TPGS2: variants seen among roughly 807,000 people sequenced by gnomAD.
The protein encoded by TPGS2 is polyglutamylase subunit 2.
A neutral mutation model predicts 31.1 loss-of-function variants in TPGS2; 26 were observed. The ratio of observed to expected loss-of-function variants is 0.84; its 90% CI spans 0.61 to 1.16. The LOEUF (loss-of-function observed/expected upper bound fraction) is 1.16, where lower values mean the gene tolerates loss of function less well. Ranked by LOEUF, TPGS2 falls within the 50% of genes most tolerant of loss-of-function variation. The pLI, the probability that TPGS2 is intolerant of heterozygous loss-of-function variation, is 0.00. For missense variants in TPGS2, 351 were observed against 363.8 expected (o/e 0.96, Z 0.29); for synonymous variants, 130 against 136.6 (o/e 0.95, Z 0.34).
At chr18:36,786,146 A>G (rs1053454253) in intron 6 of TPGS2, among the ~76,000 whole-genome samples, 2 of 152,206 alleles carry the variant, frequency 1.3e-5, no homozygotes, top group East Asian at 3.9e-4. Flanking sequence ...GAACCAGTCC[A>G]TGGTTGGTGG....
Position 36,794,744 on chromosome 18 carries a change from T to C in TPGS2, c.*2061A>G. 1 of 985,258 alleles carries C rather than the reference T, an allele frequency of 1.0e-6. No individual in the cohort carries two copies. The highest frequency in any genetic ancestry group is 4.7e-5 in the South Asian group (1 of 21,276). The allele number at this position is 985,258 out of a possible 1,614,324, so 61.0% of individuals were successfully genotyped here. A position where few individuals can be genotyped will look rare whatever the true frequency, so the allele number is the denominator to read the frequency against. On this transcript the variant is annotated 3_prime_UTR_variant, in exon 7 of 7. Transcript: ENST00000334295. Reference sequence around the variant, plus strand: ...CTGCCACTCCATGAATTGTTGCACATTTATAAATCCTTGAAGTATAATAAC... The same window carrying C: ...CTGCCACTCCATGAATTGTTGCACACTTATAAATCCTTGAAGTATAATAAC...
intron 2 of TPGS2, among the ~76,000 whole-genome samples, chr18:36,813,088 C>G (rs772714861): frequency 2.6e-5 from 4 of 152,220 alleles, no homozygotes; most frequent in Non-Finnish European, 5.9e-5. Context: ...GGACTTGATA[C>G]ATGAAAAATA....
In TPGS2 at chr18:36,794,668, G is replaced by C. The variant is rs1383401857; in HGVS notation, c.*2137C>G. ...TCTGGCAAGAAAAATACTTCTGGAA[G>C]ACTAAACTCCAGCTATTGTCCTCAA... On this transcript the variant is annotated 3_prime_UTR_variant, in exon 7 of 7. Transcript: ENST00000334295. The C allele has an allele frequency of 3.0e-6, 3 of 985,222 alleles. No homozygotes were observed. Among genetic ancestry groups the C allele is most frequent in the African/African-American group, 1.7e-5 (1 of 57,198 alleles). 61.0% of individuals were successfully genotyped at this position (985,222 alleles called of 1,614,324 possible). A position where few individuals can be genotyped will look rare whatever the true frequency, so the allele number is the denominator to read the frequency against.
At chr18:36,789,048 G>A (rs1340292722) in intron 6 of TPGS2, 1 of 152,204 alleles carries the variant, frequency 6.6e-6, no homozygotes, top group Non-Finnish European at 1.5e-5. Flanking sequence ...GGCTGCCTTG[G>A]GGTCTTTGAC....
At chr18:36,782,384 C>T (rs1252629931), downstream of TPGS2, among the ~76,000 whole-genome samples, 1 of 151,966 alleles carries the variant, frequency 6.6e-6, no homozygotes, top group Non-Finnish European at 1.5e-5. Context: ...GTGGTGATTC[C>T]CAGCCCAATC....
chr18:36,799,702 G>A (rs2044711056), intron 5 of TPGS2, among the ~76,000 whole-genome samples: 2 of 152,154 alleles, frequency 1.3e-5, no homozygotes, highest in East Asian at 3.9e-4. Flanking sequence ...GTCCAGCTCT[G>A]TAGTTTCACA....
In TPGS2 at chr18:36,796,331, A is replaced by T. The variant is rs538174782; in HGVS notation, c.*474T>A. The T allele has an allele frequency of 2.1e-6, 2 of 975,236 alleles. No individual in the cohort carries two copies. Among genetic ancestry groups the T allele is most frequent in the South Asian group, 9.5e-5 (2 of 21,038 alleles). 60.4% of individuals were successfully genotyped at this position (975,236 alleles called of 1,614,324 possible). On this transcript the variant is annotated 3_prime_UTR_variant, in exon 7 of 7. Transcript: ENST00000334295. ...ATATCTTTGTGCTAATACAGAATCT[A>T]CCAGCCACATGAATACTCAAAATGT...
chr18:36,826,144 C>T (rs1355140252), intron 1 of TPGS2, among the ~76,000 whole-genome samples: 1 of 152,052 alleles, frequency 6.6e-6, no homozygotes, highest in East Asian at 1.9e-4. Context: ...CTCAAGCAAT[C>T]CTCCTATCTC....
downstream of TPGS2, chr18:36,781,814 G>A: frequency 3.0e-6 from 3 of 985,490 alleles, no homozygotes; most frequent in South Asian, 1.4e-4. Context: ...CAGGGAGCTT[G>A]TTGAAGCAGA....
At chr18:36,809,725 G>A (rs1185793718) in intron 2 of TPGS2, among the ~76,000 whole-genome samples, 1 of 152,176 alleles carries the variant, frequency 6.6e-6, no homozygotes, top group Non-Finnish European at 1.5e-5. Flanking sequence ...CAAAAGGACA[G>A]CATTGCTCTG....
chr18:36,828,078 G>A (rs1172586248), intron 1 of TPGS2, among the ~76,000 whole-genome samples: 1 of 152,136 alleles, frequency 6.6e-6, no homozygotes, highest in Non-Finnish European at 1.5e-5. Context: ...CGAGGCAGGA[G>A]AATTGCTTGA....
intron 6 of TPGS2, among the ~76,000 whole-genome samples, chr18:36,797,774 C>T (rs1025183978): frequency 6.6e-6 from 1 of 151,810 alleles, no homozygotes; most frequent in Admixed American, 6.6e-5. Flanking sequence ...TCCAGCCACA[C>T]TTGGTGTTTT....
At chr18:36,804,758 G>C (rs1407531567) in intron 4 of TPGS2, among the ~76,000 whole-genome samples, 8 of 152,184 alleles carry the variant, frequency 5.3e-5, no homozygotes, top group Non-Finnish European at 1.2e-4. Flanking sequence ...CTGGCAACCT[G>C]GGTTGCCATT....
chr18:36,823,460 G>GCTTTTTTTTTTTTTTTTTTTT (rs973424593), intron 1 of TPGS2, among the ~76,000 whole-genome samples: 1 of 108,110 alleles, frequency 9.2e-6, no homozygotes, highest in Non-Finnish European at 1.8e-5. Context: ...TTAACAGCTT[G>GCTTTTTTTTTTTTTTTTTTTT]TTTTTTTTTT....
chr18:36,819,158 G>C (rs1245783558), intron 1 of TPGS2, among the ~76,000 whole-genome samples, 185 bp from the exon 2 acceptor site: 1 of 152,148 alleles, frequency 6.6e-6, no homozygotes, highest in Non-Finnish European at 1.5e-5. Flanking sequence ...CCATAACCTA[G>C]GACAATGTAG....
Position 36,796,782 on chromosome 18 carries a change from T to A in TPGS2, c.*23A>T. On this transcript the variant is annotated 3_prime_UTR_variant, in exon 7 of 7. Coordinates refer to ENST00000334295, the MANE Select transcript of TPGS2 (RefSeq NM_015476.4). ...ATGGAAACCACCACTCTGGAGCTGG[T>A]AGGGAGTTGGAGGGAGGGGTGCTCA... 1 of 1,583,680 alleles carries A rather than the reference T, an allele frequency of 6.3e-7. No homozygotes were observed. Among genetic ancestry groups the A allele is most frequent in the Middle Eastern group, 2.1e-4 (1 of 4,850 alleles).
intron 6 of TPGS2, among the ~76,000 whole-genome samples, chr18:36,797,602 T>C (rs998937309): frequency 1.3e-5 from 2 of 150,100 alleles, no homozygotes; most frequent in African/African-American, 4.9e-5. Flanking sequence ...GTTGACCAGA[T>C]AAATGTTATA....
At position 36,805,626 on chromosome 18, in the gene TPGS2, T is replaced by TGGAA. The variant is rs2045085436; in HGVS notation, c.254-128_254-125dup. On this transcript the variant is annotated intron_variant, in intron 3 of 6. Transcript: ENST00000334295. ...TTCGCCCCATGGCTGACGAATCTGA[T>TGGAA]GGAAGGTGGGAAGAAGAGGATTACT... 2.6e-5 allele frequency: 35 copies of TGGAA among 1,322,326 alleles called. No homozygotes were observed. The South Asian group carries it at 4.7e-4, about 18-fold the overall frequency. 81.9% of individuals were successfully genotyped at this position (1,322,326 alleles called of 1,614,324 possible).
intron 2 of TPGS2, among the ~76,000 whole-genome samples, chr18:36,814,356 C>A (rs369071421): frequency 2.0e-5 from 3 of 152,222 alleles, no homozygotes; most frequent in African/African-American, 2.4e-5. Context: ...CAGAGGCAGA[C>A]AAACTGAAAT....
Sources: gnomAD v4.1 joint callset for allele counts (sites outside exome capture counted in the v4.1 genomes callset) on GRCh38, gnomAD v4.1.1 for gene constraint, MANE v1.5 for transcripts, NCBI Gene and HGNC (gene_info 2026-07-23, HGNC 2026-07-21) for gene names.